Variants in WDPCP observed in about 807,000 individuals in gnomAD.
The protein encoded by WDPCP is WD repeat containing planar cell polarity effector, also known as WD repeat-containing and planar cell polarity effector protein fritz homolog.
WDPCP carries 71 observed loss-of-function variants against 93.1 expected under a neutral mutation model. The observed-to-expected ratio is 0.76, with a 90% confidence interval of 0.63 to 0.93. The LOEUF (loss-of-function observed/expected upper bound fraction) is 0.93, where lower values mean the gene tolerates loss of function less well. Among genes scored for constraint, WDPCP ranks in the 40% least tolerant of loss-of-function variants. The pLI is 0.00. For missense variants in WDPCP, 844 were observed against 887.4 expected, an observed-to-expected ratio of 0.95 and a Z score of 0.62; for synonymous variants, 315 against 315.0, an observed-to-expected ratio of 1.00 and a Z score of 0.00.
intron 1 of WDPCP, among the ~76,000 whole-genome samples, chr2:63,542,675 C>T (rs1452065862): frequency 6.6e-6 from 1 of 152,026 alleles, no homozygotes; most frequent in Non-Finnish European, 1.5e-5. Context: ...TGTTTCATTC[C>T]AAAAGTTTCA....
intron 17 of WDPCP, among the ~76,000 whole-genome samples, chr2:63,138,816 CTG>C (rs1670835802): frequency 6.6e-6 from 1 of 152,138 alleles, no homozygotes; most frequent in Admixed American, 6.5e-5. Flanking sequence ...TGGGTATACA[CTG>C]CACCATATTA....
intron 2 of WDPCP, among the ~76,000 whole-genome samples, chr2:63,806,389 T>G (rs1050647453): frequency 6.6e-6 from 1 of 152,062 alleles, no homozygotes; most frequent in Non-Finnish European, 1.5e-5. Flanking sequence ...GTCACAGGCA[T>G]CAAGTACTTT....
intron 1 of WDPCP, among the ~76,000 whole-genome samples, chr2:63,550,787 A>G (rs1396921343): frequency 1.9e-5 from 1 of 52,246 alleles, no homozygotes. Flanking sequence ...ATGTACATAT[A>G]TATGTATATA....
intron 14 of WDPCP, among the ~76,000 whole-genome samples, chr2:63,237,814 C>A (rs575563950): frequency 7.2e-5 from 11 of 152,164 alleles, no homozygotes; most frequent in African/African-American, 2.6e-4. Flanking sequence ...ACAGCACACA[C>A]TGGTGGCTCC....
At position 63,679,157 on chromosome 2, in the gene WDPCP, A is replaced by G. The variant is rs72889326; in HGVS notation, n.309-28319T>C. Among the ~76,000 whole-genome samples the G allele has an allele frequency of 1.1e-3, 167 of 152,314 alleles. 2 individuals are homozygous for G. The highest frequency in any genetic ancestry group is 3.4e-3 in the African/African-American group (141 of 41,572). On this transcript the variant is annotated intron_variant and non_coding_transcript_variant, in intron 2 of 4. Transcript: ENST00000467687. Reference sequence around the variant, plus strand: ...CTCAATTCATCTCTTTAGGTTCCCAATACCCCTACTCAATCTTTTAATCAA... The same window carrying G: ...CTCAATTCATCTCTTTAGGTTCCCAGTACCCCTACTCAATCTTTTAATCAA...
Position 63,523,742 on chromosome 2 carries a change from T to C in WDPCP, c.76-30802A>G, listed in dbSNP as rs139368021. 3.8e-3 allele frequency among the ~76,000 whole-genome samples: 578 copies of C among 152,066 alleles called. 4 individuals carry two copies. Among genetic ancestry groups the C allele is most frequent in the African/African-American group, 0.013 (541 of 41,440 alleles). On this transcript the variant is annotated intron_variant, in intron 1 of 17. Transcript: ENST00000272321. ...GTTTGGCCAATGTGGCAAAACGCCA[T>C]CTCGAATAAAAATACAAAATTCGCT...
chr2:63,713,389 C>T (rs1002084630), intron 2 of WDPCP, among the ~76,000 whole-genome samples: 4 of 152,220 alleles, frequency 2.6e-5, no homozygotes, highest in African/African-American at 9.6e-5. Context: ...TTGTCTCCTA[C>T]AACCTTTCAT....
At chr2:63,365,538 C>A (rs1054841153) in intron 12 of WDPCP, among the ~76,000 whole-genome samples, 1 of 152,066 alleles carries the variant, frequency 6.6e-6, no homozygotes, top group Non-Finnish European at 1.5e-5. Context: ...TAGACTAGGA[C>A]CTAAAACCAT....
At chr2:63,594,707 A>T in intron 3 of WDPCP, 2 of 697,206 alleles carry the variant, frequency 2.9e-6, no homozygotes, top group Non-Finnish European at 4.9e-6. Flanking sequence ...AGTAAATGTA[A>T]TAGGCACATT....
chr2:63,459,225 T>C (rs575759352), intron 6 of WDPCP, among the ~76,000 whole-genome samples: 1 of 152,232 alleles, frequency 6.6e-6, no homozygotes, highest in South Asian at 2.1e-4. Flanking sequence ...TGAGAGTATA[T>C]TAAATTTACA....
At chr2:63,236,309 C>T (rs1679387621) in intron 14 of WDPCP, among the ~76,000 whole-genome samples, 1 of 152,168 alleles carries the variant, frequency 6.6e-6, no homozygotes, top group South Asian at 2.1e-4. Context: ...CCACAAAACA[C>T]TGCTGAAAGA....
At chr2:63,733,246 G>T (rs1669587705) in intron 2 of WDPCP, among the ~76,000 whole-genome samples, 1 of 135,302 alleles carries the variant, frequency 7.4e-6, no homozygotes, top group Non-Finnish European at 1.5e-5. Context: ...AGGCCGGACT[G>T]CGGACTGCAG....
rs1480564362 is a variant in WDPCP, at chr2:63,271,243, G to T, written c.1813-11834C>A. On this transcript the variant is annotated intron_variant, in intron 13 of 17. Coordinates refer to ENST00000272321, the MANE Select transcript of WDPCP (RefSeq NM_015910.7). Reference sequence around the variant, plus strand: ...TGACAGCAGCCCTTCCTTGCTCCCAGCAGCAAAGCCAATGTGCACTTGCAC... The same window carrying T: ...TGACAGCAGCCCTTCCTTGCTCCCATCAGCAAAGCCAATGTGCACTTGCAC... Among the ~76,000 whole-genome samples, 3 of 152,236 alleles carry T rather than the reference G, an allele frequency of 2.0e-5. No homozygotes were observed. The East Asian group carries it at 5.8e-4, about 29-fold the overall frequency.
At chr2:63,791,236 T>C (rs1236643306) in intron 2 of WDPCP, among the ~76,000 whole-genome samples, 1 of 152,180 alleles carries the variant, frequency 6.6e-6, no homozygotes, top group Non-Finnish European at 1.5e-5. Flanking sequence ...GTAAGTGGAA[T>C]TTAGAATTTG....
At chr2:63,496,409 T>C (rs1244614295) in intron 1 of WDPCP, among the ~76,000 whole-genome samples, 1 of 152,216 alleles carries the variant, frequency 6.6e-6, no homozygotes, top group Non-Finnish European at 1.5e-5. Context: ...CTTGAAAAAC[T>C]GATAGGTCCA....
intron 3 of WDPCP, among the ~76,000 whole-genome samples, chr2:63,631,090 G>A (rs887658326): frequency 1.3e-5 from 2 of 152,106 alleles, no homozygotes; most frequent in African/African-American, 4.8e-5. Flanking sequence ...ACACCAGCCT[G>A]GCCAAATGGT....
At chr2:63,399,870 T>C (rs1222171239) in intron 10 of WDPCP, among the ~76,000 whole-genome samples, 2 of 152,158 alleles carry the variant, frequency 1.3e-5, no homozygotes, top group African/African-American at 4.8e-5. Context: ...GAAAAGAACA[T>C]AGGTCTCACA....
intron 10 of WDPCP, chr2:63,403,740 C>T (rs979529806): frequency 8.0e-6 from 2 of 249,864 alleles, no homozygotes; most frequent in South Asian, 6.7e-5. Context: ...CTAAAATATT[C>T]ACATGTCTAT....
rs577638356 is a variant in WDPCP, at chr2:63,745,432, T to G, written n.308+68190A>C. ...GTACCAGTTTCTCTACACTGTTGGTTGATTACTATCATTATTAAATTTAAA... is the reference window on the plus strand; with the variant it reads ...GTACCAGTTTCTCTACACTGTTGGTGGATTACTATCATTATTAAATTTAAA... On this transcript the variant is annotated intron_variant and non_coding_transcript_variant, in intron 2 of 4. Coordinates refer to the WDPCP transcript ENST00000467687. Among the ~76,000 whole-genome samples, 3 of 152,352 alleles carry G rather than the reference T, an allele frequency of 2.0e-5. No homozygotes were observed. The South Asian group carries it at 6.2e-4, about 32-fold the overall frequency.
Sources: gnomAD v4.1 joint callset for allele counts (sites outside exome capture counted in the v4.1 genomes callset) on GRCh38, gnomAD v4.1.1 for gene constraint, MANE v1.5 for transcripts, NCBI Gene and HGNC (gene_info 2026-07-23, HGNC 2026-07-21) for gene names.